The following BTBD10 variants were observed in gnomAD, a reference collection of about 807,000 sequenced individuals.
BTBD10 encodes the protein BTB domain containing 10.
In BTBD10, 21 loss-of-function variants were observed where a neutral mutation model predicts 53.2. That is an observed-to-expected ratio of 0.39 (90% CI 0.28 to 0.57). The LOEUF (loss-of-function observed/expected upper bound fraction) is 0.57. Ranked by LOEUF, BTBD10 falls within the 20% of genes least tolerant of loss-of-function variation. The pLI, the probability that BTBD10 is intolerant of heterozygous loss-of-function variation, is 0.53. For missense variants in BTBD10, 360 were observed against 594.7 expected (o/e 0.61, Z 4.10); for synonymous variants, 149 against 192.7 (o/e 0.77, Z 1.88).
At chr11:13,453,662 A>G (rs1023171093) in intron 1 of BTBD10, among the ~76,000 whole-genome samples, 1 of 152,228 alleles carries the variant, frequency 6.6e-6, no homozygotes, top group African/African-American at 2.4e-5. Context: ...CCATTAGACT[A>G]TAAGATCCTT....
At chr11:13,411,669 A>C (rs967862309) in intron 6 of BTBD10, among the ~76,000 whole-genome samples, 4 of 152,216 alleles carry the variant, frequency 2.6e-5, no homozygotes, top group African/African-American at 9.6e-5. Context: ...AAAAGATTGC[A>C]GAACTAAGAG....
At chr11:13,419,854 A>G in intron 3 of BTBD10, 109 bp from the exon 4 acceptor site, 1 of 1,126,624 alleles carries the variant, frequency 8.9e-7, no homozygotes. Flanking sequence ...AAGTCACAGC[A>G]TTTCTACTTT....
intron 6 of BTBD10, among the ~76,000 whole-genome samples, chr11:13,406,569 G>A (rs965093345): frequency 6.7e-6 from 1 of 149,598 alleles, no homozygotes; most frequent in Non-Finnish European, 1.5e-5. Context: ...GTGAGAGAGA[G>A]AGAGAGAGAG....
At chr11:13,456,537 T>C (rs1950971976) in intron 1 of BTBD10, among the ~76,000 whole-genome samples, 1 of 152,188 alleles carries the variant, frequency 6.6e-6, no homozygotes, top group African/African-American at 2.4e-5. Flanking sequence ...CCTTTCCTAT[T>C]TGCCTACGAA....
chr11:13,420,211 C>T (rs1431226111), intron 3 of BTBD10, among the ~76,000 whole-genome samples: 1 of 151,968 alleles, frequency 6.6e-6, no homozygotes, highest in Non-Finnish European at 1.5e-5. Context: ...TTTAGAATCT[C>T]ACTACGTTAA....
chr11:13,452,809 A>G (rs1950888246), intron 1 of BTBD10, among the ~76,000 whole-genome samples: 1 of 152,218 alleles, frequency 6.6e-6, no homozygotes, highest in South Asian at 2.1e-4. Flanking sequence ...TATTTAATCT[A>G]TTATTATTTT....
At chr11:13,455,036 A>C (rs777623861) in intron 1 of BTBD10, among the ~76,000 whole-genome samples, 21 of 152,062 alleles carry the variant, frequency 1.4e-4, no homozygotes, top group Non-Finnish European at 2.4e-4. Flanking sequence ...TCAGCCTCCC[A>C]AGTAGCTGGG....
intron 8 of BTBD10, among the ~76,000 whole-genome samples, chr11:13,396,330 GCTCT>G (rs1417498004): frequency 3.9e-5 from 6 of 152,190 alleles, no homozygotes; most frequent in East Asian, 1.9e-4. Context: ...TCATGATTTG[GCTCT>G]CTGTTTGTCT....
In BTBD10 at chr11:13,413,588, T is replaced by C. The variant is rs955133837; in HGVS notation, c.750A>G (p.Glu250=). Residue 250 remains glutamate (E), a synonymous_variant, in exon 6 of 9, where the codon GAA becomes GAG. Coordinates refer to ENST00000278174, the MANE Select transcript of BTBD10 (RefSeq NM_032320.7). ...AAGAGATACAAAGATAGTCACATGC[T>C]TCTCTCAGTTCAGGAATAGATATGC... The part of the protein sequence containing the change: ...PDGISIPELR[E]ACDYLCISFE... The C allele has an allele frequency of 6.2e-7, 1 of 1,610,566 alleles. No individual in the cohort carries two copies. The highest frequency in any genetic ancestry group is 1.1e-5 in the South Asian group (1 of 90,902).
intron 2 of BTBD10, among the ~76,000 whole-genome samples, chr11:13,428,919 T>C (rs190007844): frequency 1.6e-4 from 24 of 152,286 alleles, no homozygotes; most frequent in Non-Finnish European, 3.1e-4. Flanking sequence ...TTCAGCAAGG[T>C]TGCAGAATAC....
At position 13,445,114 on chromosome 11, in the gene BTBD10, C is replaced by T. The variant is rs1353070798; in HGVS notation, c.11G>A (p.Arg4Gln). 20 of 1,612,584 alleles carry T rather than the reference C, an allele frequency of 1.2e-5. No homozygotes were observed. Among genetic ancestry groups the T allele is most frequent in the Non-Finnish European group, 1.5e-5 (18 of 1,178,992 alleles). MAG[R>Q]PHPYDGNSSD... Reference sequence around the variant, plus strand: ...GGAGTTACCATCATAGGGATGAGGCCGTCCTGCCATCCCACTCCAAGCTTC... The same window carrying T: ...GGAGTTACCATCATAGGGATGAGGCTGTCCTGCCATCCCACTCCAAGCTTC... The change falls in exon 2 of 9, where the codon CGG (arginine) becomes CAG (glutamine). Residue 4 changes from arginine to glutamine, a missense_variant. Coordinates refer to ENST00000278174, the MANE Select transcript of BTBD10 (RefSeq NM_032320.7).
At chr11:13,432,015 T>C (rs1239410199) in intron 2 of BTBD10, among the ~76,000 whole-genome samples, 1 of 151,926 alleles carries the variant, frequency 6.6e-6, no homozygotes, top group East Asian at 1.9e-4. Flanking sequence ...TACCATAGAA[T>C]ATTATTCAGC....
At chr11:13,448,599 A>C (rs534940486) in intron 1 of BTBD10, among the ~76,000 whole-genome samples, 1 of 152,130 alleles carries the variant, frequency 6.6e-6, no homozygotes, top group African/African-American at 2.4e-5. Flanking sequence ...CTACTTTAGA[A>C]TCTTCTTTTG....
chr11:13,459,180 C>T (rs1951037676), intron 1 of BTBD10, among the ~76,000 whole-genome samples: 1 of 150,196 alleles, frequency 6.7e-6, no homozygotes, highest in African/African-American at 2.4e-5. Flanking sequence ...CCTCAGCCTC[C>T]CAAGTAGCTG....
chr11:13,458,482 A>G (rs1951019871), intron 1 of BTBD10, among the ~76,000 whole-genome samples: 1 of 152,236 alleles, frequency 6.6e-6, no homozygotes, highest in South Asian at 2.1e-4. Context: ...ACTAGGGGGA[A>G]TCACTGGAAC....
At chr11:13,405,469 CT>C in intron 7 of BTBD10, 189 bp downstream of exon 7, 1 of 600,574 alleles carries the variant, frequency 1.7e-6, no homozygotes, top group Admixed American at 3.1e-5. Flanking sequence ...CATGCAGTTT[CT>C]GTTACAACTA....
intron 1 of BTBD10, among the ~76,000 whole-genome samples, chr11:13,461,448 C>T (rs1414871627): frequency 2.0e-5 from 3 of 152,170 alleles, no homozygotes; most frequent in Non-Finnish European, 4.4e-5. Context: ...CATTATCTAA[C>T]TAGTACCCGA....
At chr11:13,399,151 T>A (rs1180329117) in intron 8 of BTBD10, among the ~76,000 whole-genome samples, 1 of 152,228 alleles carries the variant, frequency 6.6e-6, no homozygotes, top group Non-Finnish European at 1.5e-5. Flanking sequence ...TTTTCCAACT[T>A]GGTTCCATTC....
At chr11:13,419,811 C>T in intron 3 of BTBD10, 66 bp from the exon 4 acceptor site, 1 of 1,304,860 alleles carries the variant, frequency 7.7e-7, no homozygotes, top group Non-Finnish European at 1.1e-6. Context: ...TTATATATAT[C>T]TTTTTAAATG....
Sources: gnomAD v4.1 joint callset for allele counts (sites outside exome capture counted in the v4.1 genomes callset) on GRCh38, gnomAD v4.1.1 for gene constraint, MANE v1.5 for transcripts, NCBI Gene and HGNC (gene_info 2026-07-23, HGNC 2026-07-21) for gene names.